Variants in LRIF1 observed in about 807,000 individuals in gnomAD.
The protein encoded by LRIF1 is ligand-dependent nuclear receptor-interacting factor 1.
Under a neutral mutation model 52.7 loss-of-function variants are expected in LRIF1, and 32 were observed. The observed-to-expected ratio is 0.61, with a 90% confidence interval of 0.46 to 0.82. LRIF1 has a LOEUF of 0.82. LRIF1 is among the 40% of genes least tolerant of loss of function. The pLI, the probability that LRIF1 is intolerant of heterozygous loss-of-function variation, is 0.00. For missense variants in LRIF1, 887 were observed against 892.0 expected (o/e 0.99, Z 0.07); for synonymous variants, 323 against 317.4 (o/e 1.02, Z -0.19).
At chr1:110,892,483 T>C in the LRIF1 span, 2 of 1,614,184 alleles carry the variant, frequency 1.2e-6, no homozygotes. Flanking sequence ...GGTAGTTGCC[T>C]TCCTGGGCTG....
the LRIF1 span, among the ~76,000 whole-genome samples, chr1:110,902,509 A>AG: frequency 2.7e-5 from 4 of 148,462 alleles, no homozygotes; most frequent in Admixed American, 2.7e-4. Flanking sequence ...AAAAAAAAAA[A>AG]AAAAAAAAAA....
intron 2 of LRIF1, 44 bp from the exon 3 acceptor site, chr1:110,950,167 T>C (rs769374231): frequency 6.5e-7 from 1 of 1,543,180 alleles, no homozygotes; most frequent in East Asian, 2.3e-5. Flanking sequence ...CTGCTAATTA[T>C]TCAAGTTACT....
chr1:110,948,308 A>G lies in LRIF1; in HGVS notation c.1961T>C (p.Ile654Thr). ...RKTENAYNAI[I>T]NGEANVTGSQ... ...ACCGGTGACATTAGCTTCCCCATTTATGATTGCGTTATAAGCATTCTCTGT... is the reference window on the plus strand; with the variant it reads ...ACCGGTGACATTAGCTTCCCCATTTGTGATTGCGTTATAAGCATTCTCTGT... Residue 654 changes from isoleucine (I) to threonine (T), a missense_variant, in exon 4 of 4, where the codon ATA (isoleucine) becomes ACA (threonine). By Grantham distance (89) the Ile-to-Thr change is moderately conservative. Transcript: ENST00000369763. The G allele has an allele frequency of 6.2e-7, 1 of 1,614,076 alleles. No homozygotes were observed. Among genetic ancestry groups the G allele is most frequent in the Non-Finnish European group, 8.5e-7 (1 of 1,180,002 alleles).
chr1:110,938,701 C>T, the LRIF1 span: 37 of 152,298 alleles, frequency 2.4e-4, no homozygotes, highest in African/African-American at 8.9e-4. Flanking sequence ...ACTGGAAGTT[C>T]TAGCTAGAGA....
downstream of LRIF1, among the ~76,000 whole-genome samples, chr1:110,945,889 A>G (rs1227303854): frequency 6.6e-6 from 1 of 152,220 alleles, no homozygotes; most frequent in Non-Finnish European, 1.5e-5. Flanking sequence ...CCTTGACAGT[A>G]TGTTTATGTG....
chr1:110,891,571 G>A, the LRIF1 span: 37 of 868,700 alleles, frequency 4.3e-5, no homozygotes, highest in Non-Finnish European at 6.1e-5. Flanking sequence ...AAATGCATGC[G>A]TGTTTGGGTC....
At chr1:110,891,452 T>C in the LRIF1 span, 1 of 1,613,862 alleles carries the variant, frequency 6.2e-7, no homozygotes, top group East Asian at 2.2e-5. Flanking sequence ...GTCCTGTTTT[T>C]CTTCAACTTG....
At chr1:110,878,191 G>A in the LRIF1 span, among the ~76,000 whole-genome samples, 2 of 152,212 alleles carry the variant, frequency 1.3e-5, no homozygotes, top group African/African-American at 4.8e-5. Context: ...GAGGAACTTA[G>A]TTATTTTGTG....
chr1:110,925,818 C>G, the LRIF1 span, among the ~76,000 whole-genome samples: 6 of 151,814 alleles, frequency 4.0e-5, no homozygotes, highest in Non-Finnish European at 5.9e-5. Flanking sequence ...GAGAGTTTAG[C>G]AAGGTTATTG....
Position 110,963,838 on chromosome 1 carries a change from C to T in LRIF1, c.-150G>A. 1 of 573,566 alleles carries T rather than the reference C, an allele frequency of 1.7e-6. No homozygotes were observed. Among genetic ancestry groups the T allele is most frequent in the Non-Finnish European group, 3.1e-6 (1 of 317,544 alleles). The allele number at this position is 573,566 out of a possible 1,614,324, so 35.5% of individuals were successfully genotyped here. On this transcript the variant is annotated 5_prime_UTR_variant, in exon 1 of 4. Transcript: ENST00000369763. ...GTTCGACCTTAACGGAGGGCGACAG[C>T]GGGCTCTCGAGAGGGTGTATCCCCA...
At chr1:110,911,963 C>T in the LRIF1 span, among the ~76,000 whole-genome samples, 1 of 152,192 alleles carries the variant, frequency 6.6e-6, no homozygotes, top group Non-Finnish European at 1.5e-5. Flanking sequence ...GATGCCCACT[C>T]TTACCACTCC....
Position 110,948,325 on chromosome 1 carries a change from A to G in LRIF1, c.1944T>C (p.Asn648=), listed in dbSNP as rs1309457120. The change falls in exon 4 of 4, where the codon AAT becomes AAC. Residue 648 remains asparagine (N), a synonymous_variant. Transcript: ENST00000369763. ...CCCCATTTATGATTGCGTTATAAGC[A>G]TTCTCTGTTTTTCTCTTCTTTATGT... ...MDHIKKRKTE[N]AYNAIINGEA... 8.7e-6 allele frequency: 14 copies of G among 1,614,076 alleles called. No homozygotes were observed. Among genetic ancestry groups the G allele is most frequent in the Non-Finnish European group, 1.2e-5 (14 of 1,179,996 alleles).
Position 110,947,887 on chromosome 1 carries a change from C to A in LRIF1, c.*72G>T. Reference sequence around the variant, plus strand: ...ATTCAAAGACACTTTCAGAACACACCTACAATTAACTTATTAATGCTGAAG... The same window carrying A: ...ATTCAAAGACACTTTCAGAACACACATACAATTAACTTATTAATGCTGAAG... On this transcript the variant is annotated 3_prime_UTR_variant, in exon 4 of 4. Coordinates refer to ENST00000369763, the MANE Select transcript of LRIF1 (RefSeq NM_018372.4). The A allele has an allele frequency of 6.6e-7, 1 of 1,505,868 alleles. No homozygotes were observed. Among genetic ancestry groups the A allele is most frequent in the Non-Finnish European group, 8.8e-7 (1 of 1,132,550 alleles). 93.3% of individuals were successfully genotyped at this position (1,505,868 alleles called of 1,614,324 possible).
the LRIF1 span, among the ~76,000 whole-genome samples, chr1:110,926,372 TA>T: frequency 6.6e-6 from 1 of 151,918 alleles, no homozygotes; most frequent in East Asian, 1.9e-4. Flanking sequence ...CATACAATAA[TA>T]TATCACATGG....
chr1:110,931,230 C>T, the LRIF1 span, among the ~76,000 whole-genome samples: 12 of 151,994 alleles, frequency 7.9e-5, no homozygotes, highest in Non-Finnish European at 1.2e-4. Flanking sequence ...TGAGAACATG[C>T]GGTGTTTGGT....
the LRIF1 span, among the ~76,000 whole-genome samples, chr1:110,883,757 G>A: frequency 6.6e-6 from 1 of 151,866 alleles, no homozygotes; most frequent in Non-Finnish European, 1.5e-5. Flanking sequence ...TCTATTTTTT[G>A]AGTGAGACTT....
chr1:110,900,693 C>T, the LRIF1 span, among the ~76,000 whole-genome samples: 3 of 146,934 alleles, frequency 2.0e-5, no homozygotes, highest in South Asian at 4.3e-4. Flanking sequence ...TGTGCCACCA[C>T]ATCAGTTCTG....
At chr1:110,909,241 TG>T in the LRIF1 span, among the ~76,000 whole-genome samples, 5 of 152,106 alleles carry the variant, frequency 3.3e-5, no homozygotes, top group African/African-American at 1.2e-4. Context: ...AACATGGAAA[TG>T]AAAGCCTAAT....
At chr1:110,946,109 G>A (rs546945390), downstream of LRIF1, among the ~76,000 whole-genome samples, 15 of 152,196 alleles carry the variant, frequency 9.9e-5, no homozygotes, top group African/African-American at 3.1e-4. Context: ...TATTCATAAC[G>A]AATGGATAAA....
Sources: allele counts gnomAD v4.1 joint callset (sites outside exome capture counted in the v4.1 genomes callset), GRCh38; gene constraint gnomAD v4.1.1; transcripts MANE v1.5; gene names NCBI Gene and HGNC (gene_info 2026-07-23, HGNC 2026-07-21).